Variants in XRCC5 observed in about 807,000 individuals in gnomAD.
XRCC5 encodes DNA repair protein Ku80.
XRCC5 carries 12 observed loss-of-function variants against 95.7 expected under a neutral mutation model. The observed-to-expected ratio is 0.13, with a 90% CI of 0.08 to 0.20. XRCC5 has a LOEUF of 0.20. Among genes scored for constraint, XRCC5 ranks in the 10% least tolerant of loss-of-function variants. The pLI is 1.00. For missense variants in XRCC5, 595 were observed against 873.9 expected, an observed-to-expected ratio of 0.68 and a Z score of 4.02; for synonymous variants, 281 against 290.3, an observed-to-expected ratio of 0.97 and a Z score of 0.33.
intron 16 of XRCC5, among the ~76,000 whole-genome samples, chr2:216,165,799 T>A (rs989663083): frequency 6.6e-6 from 1 of 152,222 alleles, no homozygotes; most frequent in Non-Finnish European, 1.5e-5. Context: ...CTCGGCTGTT[T>A]TACCTATCAT....
chr2:216,139,044 G>A (rs1049577408), intron 12 of XRCC5, among the ~76,000 whole-genome samples: 3 of 152,104 alleles, frequency 2.0e-5, no homozygotes, highest in Admixed American at 6.6e-5. Flanking sequence ...TCTGCATCAC[G>A]GTGGAGGCAG....
At chr2:216,136,731 AT>A (rs1697087673) in intron 10 of XRCC5, among the ~76,000 whole-genome samples, 2 of 152,216 alleles carry the variant, frequency 1.3e-5, no homozygotes, top group South Asian at 4.1e-4. Context: ...CATGCCTATT[AT>A]TTTAAGAAAT....
At chr2:216,120,710 C>T (rs1390550463) in intron 5 of XRCC5, among the ~76,000 whole-genome samples, 1 of 150,724 alleles carries the variant, frequency 6.6e-6, no homozygotes, top group Non-Finnish European at 1.5e-5. Context: ...TGCATGTTAC[C>T]ACACCCAGCA....
intron 17 of XRCC5, 26 bp downstream of exon 17, chr2:216,190,360 C>T (rs1413965968): frequency 6.3e-7 from 1 of 1,595,590 alleles, no homozygotes; most frequent in African/African-American, 1.3e-5. Flanking sequence ...CATCTCTTTT[C>T]TTCCTAAACA....
Position 216,127,581 on chromosome 2 carries a change from A to C in XRCC5, c.844A>C (p.Lys282Gln). ...VKKTWTVVDA[K>Q]TLKKEDIQKE... The stretch of plus-strand genomic sequence containing the variant: ...AAAGACTTGGACAGTTGTGGATGCA[A>C]AAACCCTAAAAAAAGAAGATATACA... Residue 282 changes from lysine (K) to glutamine (Q), a missense_variant, in exon 8 of 21, where the codon AAA becomes CAA. Lys to Gln is a moderately conservative substitution (Grantham distance 53). Transcript: ENST00000392132. 6.2e-7 allele frequency: 1 copy of C among 1,612,402 alleles called. No individual in the cohort carries two copies. The highest frequency in any genetic ancestry group is 8.5e-7 in the Non-Finnish European group (1 of 1,179,508).
chr2:216,111,726 C>T (rs997975271), intron 1 of XRCC5, among the ~76,000 whole-genome samples: 6 of 152,118 alleles, frequency 3.9e-5, no homozygotes, highest in Non-Finnish European at 5.9e-5. Flanking sequence ...TTTGTTTGAT[C>T]GGTACAAAGC....
chr2:216,197,527 A>C (rs1689751042), intron 19 of XRCC5, among the ~76,000 whole-genome samples: 1 of 151,302 alleles, frequency 6.6e-6, no homozygotes, highest in Non-Finnish European at 1.5e-5. Context: ...AAACAAGTGG[A>C]GAGAATCTCT....
intron 16 of XRCC5, among the ~76,000 whole-genome samples, chr2:216,172,471 T>TTTTTTC: frequency 7.3e-6 from 1 of 137,438 alleles, no homozygotes; most frequent in Admixed American, 7.1e-5. Context: ...TTTCTTTTCT[T>TTTTTTC]TTTTTTTTTT....
intron 6 of XRCC5, 73 bp downstream of exon 6, chr2:216,122,326 C>A: frequency 7.1e-7 from 1 of 1,400,912 alleles, no homozygotes; most frequent in South Asian, 1.4e-5. Flanking sequence ...AGAGGTCTCC[C>A]AAATGTTTCC....
At chr2:216,158,364 G>C (rs1368624326) in intron 14 of XRCC5, among the ~76,000 whole-genome samples, 1 of 152,168 alleles carries the variant, frequency 6.6e-6, no homozygotes, top group South Asian at 2.1e-4. Flanking sequence ...CATCAAGAAG[G>C]TGTAAGATTT....
chr2:216,185,458 T>C (rs1463237928), intron 16 of XRCC5, among the ~76,000 whole-genome samples: 2 of 152,236 alleles, frequency 1.3e-5, no homozygotes, highest in Non-Finnish European at 2.9e-5. Context: ...GCTTAAACAA[T>C]GATTATAATT....
rs570868352 is a variant in XRCC5, at chr2:216,157,492, C to T, written c.1671-2576C>T. 2.6e-4 allele frequency among the ~76,000 whole-genome samples: 40 copies of T among 152,280 alleles called. 1 individual carries two copies. In the East Asian group the frequency reaches 7.5e-3, roughly 29 times the overall value. ...TCGTGATCCGCCTGCCTCAGCCTCC[C>T]GAAGTGCTGGGATTACAGGCATGAG... is the stretch of plus-strand genomic sequence containing the variant. On this transcript the variant is annotated intron_variant, in intron 14 of 20. Transcript: ENST00000392132.
intron 1 of XRCC5, chr2:216,111,381 G>A (rs1247476190): frequency 2.2e-6 from 1 of 450,924 alleles, no homozygotes; most frequent in African/African-American, 2.0e-5. Flanking sequence ...AGAATTAGCT[G>A]GGCATGGTGG....
chr2:216,161,979 G>A lies in XRCC5; in HGVS notation c.1765G>A (p.Val589Ile), dbSNP rs1012284736. ...TTTATCATCTGTTGGTATATTTTAG[G>A]TTGGAAGTGTGAATCCTGCTGAAAA... is the stretch of plus-strand genomic sequence containing the variant. The part of the protein sequence containing the change: ...SSLAEGSVTS[V>I]GSVNPAENFR... Residue 589 changes from valine (V) to isoleucine (I), a missense_variant and splice_region_variant, in exon 16 of 21, where the codon GTT (valine) becomes ATT (isoleucine). Val to Ile is a conservative substitution (Grantham distance 29). Coordinates refer to ENST00000392132, the MANE Select transcript of XRCC5 (RefSeq NM_021141.4). 11 of 1,613,896 alleles carry A rather than the reference G, an allele frequency of 6.8e-6. No individual in the cohort carries two copies. The highest frequency in any genetic ancestry group is 5.9e-6 in the Non-Finnish European group (7 of 1,179,886).
In XRCC5 at chr2:216,125,965, C is replaced by G; in HGVS notation, c.732C>G (p.Ser244=). Residue 244 remains serine, a synonymous_variant, in exon 7 of 21, where the codon TCC becomes TCG. Coordinates refer to ENST00000392132, the MANE Select transcript of XRCC5 (RefSeq NM_021141.4). ...TCTTCAAGAAAATTGAGAGGCATTC[C>G]ATTCACTGGCCCTGCCGACTGACCA... is the stretch of plus-strand genomic sequence containing the variant. The part of the protein sequence containing the change: ...LCVFKKIERH[S]IHWPCRLTIG... 1 of 1,613,908 alleles carries G rather than the reference C, an allele frequency of 6.2e-7. No homozygotes were observed. Among genetic ancestry groups the G allele is most frequent in the Non-Finnish European group, 8.5e-7 (1 of 1,179,834 alleles).
intron 2 of XRCC5, among the ~76,000 whole-genome samples, chr2:216,114,154 G>A (rs180848241): frequency 2.6e-5 from 4 of 152,180 alleles, no homozygotes; most frequent in Non-Finnish European, 5.9e-5. Context: ...GCTTAGAATA[G>A]TGCTTGGAAT....
At position 216,123,566 on chromosome 2, in the gene XRCC5, G is replaced by A. The variant is rs1401640376; in HGVS notation, c.683+1313G>A. On this transcript the variant is annotated intron_variant, in intron 6 of 20. Transcript: ENST00000392132. ...TATGCTTGTAATTCCAGCACTTTGG[G>A]AGGCTGAGGTGGGCAGATCACTTGA... 3.3e-5 allele frequency among the ~76,000 whole-genome samples: 5 copies of A among 152,186 alleles called. No homozygotes were observed. In the East Asian group the frequency reaches 9.6e-4, roughly 29 times the overall value.
intron 16 of XRCC5, among the ~76,000 whole-genome samples, chr2:216,162,286 T>G (rs1055973190): frequency 6.6e-6 from 1 of 152,236 alleles, no homozygotes; most frequent in Admixed American, 6.5e-5. Context: ...CAGAAAAACT[T>G]TGGGCCAACA....
intron 13 of XRCC5, among the ~76,000 whole-genome samples, chr2:216,144,024 T>A (rs1697212880): frequency 6.6e-6 from 1 of 152,116 alleles, no homozygotes; most frequent in Non-Finnish European, 1.5e-5. Flanking sequence ...CAAGCTTACT[T>A]CTTTTATGGA....
Sources: gnomAD v4.1 joint callset for allele counts (sites outside exome capture counted in the v4.1 genomes callset) on GRCh38, gnomAD v4.1.1 for gene constraint, MANE v1.5 for transcripts, NCBI Gene and HGNC (gene_info 2026-07-23, HGNC 2026-07-21) for gene names.